The following NAV2 variants were observed in gnomAD, a reference collection of about 807,000 sequenced individuals.
NAV2 encodes the protein neuron navigator 2.
A neutral mutation model predicts 223.2 loss-of-function variants in NAV2; 54 were observed. The ratio of observed to expected loss-of-function variants is 0.24; its 90% confidence interval spans 0.19 to 0.30. NAV2 has a LOEUF of 0.30. NAV2 is among the 10% of genes least tolerant of loss of function. The probability of loss-of-function intolerance (pLI) is 1.00; values close to 1 mark genes in which losing one functional copy is unlikely to be tolerated. For synonymous variants in NAV2, 1,279 were observed against 1,239.3 expected (o/e 1.03, Z -0.67); for missense variants, 2,806 against 3,147.5 (o/e 0.89, Z 2.60).
At chr11:20,106,403 A>T (rs1164193614) in intron 35 of NAV2, among the ~76,000 whole-genome samples, 1 of 146,836 alleles carries the variant, frequency 6.8e-6, no homozygotes, top group Non-Finnish European at 1.5e-5. Context: ...TACTAAAAAT[A>T]CAAAAAATTA....
In NAV2 at chr11:20,036,024, A is replaced by T. The variant is rs1229112278; in HGVS notation, c.2834A>T (p.Asp945Val). 6.2e-7 allele frequency: 1 copy of T among 1,614,050 alleles called. No individual in the cohort carries two copies. Among genetic ancestry groups the T allele is most frequent in the Non-Finnish European group, 8.5e-7 (1 of 1,180,020 alleles). Residue 945 changes from aspartate to valine, a missense_variant, in exon 12 of 38, where the codon GAC becomes GTC. Around this residue, in one of 4 missense-constraint regions of NAV2, gnomAD observed 73 missense variants for 119.7 expected, o/e 0.61. Transcript: ENST00000349880. ...SDTIDNLSTDDINTSSSISSY... is the reference protein window; with the variant it reads ...SDTIDNLSTDVINTSSSISSY... ...ACCATAGACAACCTCAGCACTGATGACATCAACACCAGCTCCTCCATCAGC... is the reference window on the plus strand; with the variant it reads ...ACCATAGACAACCTCAGCACTGATGTCATCAACACCAGCTCCTCCATCAGC...
At chr11:19,370,060 T>C (rs1848420062) in intron 1 of NAV2, among the ~76,000 whole-genome samples, 1 of 152,222 alleles carries the variant, frequency 6.6e-6, no homozygotes, top group South Asian at 2.1e-4. Context: ...GCCTTTCAAT[T>C]GCCTCCAACT....
Position 19,385,753 on chromosome 11 carries a change from C to CTTTTTTT in NAV2, c.75+34746_75+34752dup, listed in dbSNP as rs201669772. Among the ~76,000 whole-genome samples, 338 of 112,686 alleles carry CTTTTTTT rather than the reference C, an allele frequency of 3.0e-3. 44 individuals carry two copies. Among genetic ancestry groups the CTTTTTTT allele is most frequent in the African/African-American group, 0.012 (323 of 26,378 alleles). 73.9% of individuals were successfully genotyped at this position (112,686 alleles called of 152,430 possible). A position where few individuals can be genotyped will look rare whatever the true frequency, so the allele number is the denominator to read the frequency against. On this transcript the variant is annotated intron_variant, in intron 1 of 37. Coordinates refer to the NAV2 transcript ENST00000360655. ...CTCAACTGCTTTTTCAATATAGCTC[C>CTTTTTTT]TTTTTTTTTTTTTTTTTTTTTTTTT...
chr11:19,586,727 C>T (rs983744328), intron 1 of NAV2, among the ~76,000 whole-genome samples: 21 of 152,214 alleles, frequency 1.4e-4, no homozygotes, highest in African/African-American at 2.9e-4. Flanking sequence ...GCTGCCTGAT[C>T]GTTCCTCTGG....
chr11:19,776,760 C>G (rs923516698), intron 1 of NAV2, among the ~76,000 whole-genome samples: 6 of 150,940 alleles, frequency 4.0e-5, no homozygotes, highest in Non-Finnish European at 8.9e-5. Flanking sequence ...TGTCAACTTG[C>G]GTGAGTTCTG....
At chr11:19,911,237 A>T (rs752567957) in intron 6 of NAV2, among the ~76,000 whole-genome samples, 2 of 152,168 alleles carry the variant, frequency 1.3e-5, no homozygotes, top group African/African-American at 4.8e-5. Context: ...ATAAGTGTCT[A>T]TAGGACATTT....
intron 1 of NAV2, among the ~76,000 whole-genome samples, chr11:19,745,282 G>T (rs1334126668): frequency 1.3e-5 from 2 of 152,188 alleles, no homozygotes; most frequent in African/African-American, 4.8e-5. Flanking sequence ...GAAAGCTCAG[G>T]TGTTTATTTT....
chr11:19,977,143 C>A (rs542884200), intron 10 of NAV2, among the ~76,000 whole-genome samples: 5 of 152,232 alleles, frequency 3.3e-5, no homozygotes, highest in Non-Finnish European at 7.3e-5. Flanking sequence ...TTGTTGGAAG[C>A]ATTCCCCCAA....
rs144473199 is a variant in NAV2 at position 19,576,872 on chromosome 11, G to C, written c.75+225845G>C. Among the ~76,000 whole-genome samples the C allele has an allele frequency of 2.0e-3, 308 of 152,306 alleles. 1 individual carries two copies. Among genetic ancestry groups the C allele is most frequent in the Non-Finnish European group, 2.8e-3 (191 of 68,036 alleles). Reference sequence around the variant, plus strand: ...ATGGAATGGATGTGTCTGTGGCCTGGGAAGGTGTCCTGGGGTCCTTCCATC... The same window carrying C: ...ATGGAATGGATGTGTCTGTGGCCTGCGAAGGTGTCCTGGGGTCCTTCCATC... On this transcript the variant is annotated intron_variant, in intron 1 of 37. Coordinates refer to the NAV2 transcript ENST00000360655.
rs746436164 is a variant in NAV2 at position 19,981,708 on chromosome 11, CAA to C, written c.2646-2415_2646-2414del. 9.9e-5 allele frequency among the ~76,000 whole-genome samples: 15 copies of C among 152,126 alleles called. 1 individual carries two copies. The highest frequency in any genetic ancestry group is 9.8e-4 in the Admixed American group (15 of 15,266). On this transcript the variant is annotated intron_variant, in intron 10 of 37. Transcript: ENST00000349880. The stretch of plus-strand genomic sequence containing the variant: ...GGGGTCTAGAAAGTCCAGCCTCTGG[CAA>C]AGTTATGGCATTTTGGTGTAGGTGT...
chr11:19,598,373 A>T (rs529581595), intron 1 of NAV2, among the ~76,000 whole-genome samples: 3 of 152,366 alleles, frequency 2.0e-5, no homozygotes, highest in East Asian at 3.9e-4. Context: ...CTTTGTTTGA[A>T]GTAAGGTAGT....
chr11:19,674,583 C>A (rs1247970104), intron 1 of NAV2, among the ~76,000 whole-genome samples: 1 of 152,196 alleles, frequency 6.6e-6, no homozygotes, highest in Non-Finnish European at 1.5e-5. Context: ...AAGGTGGGGG[C>A]AAACCCAGAA....
intron 1 of NAV2, among the ~76,000 whole-genome samples, chr11:19,355,182 A>G (rs1345502929): frequency 6.6e-6 from 1 of 151,888 alleles, no homozygotes; most frequent in African/African-American, 2.4e-5. Context: ...ACTCTTCTTT[A>G]GAAGTTTGTC....
intron 1 of NAV2, among the ~76,000 whole-genome samples, chr11:19,771,553 A>G (rs2055720137): frequency 6.6e-6 from 1 of 151,830 alleles, no homozygotes; most frequent in Non-Finnish European, 1.5e-5. Flanking sequence ...GTGATAGGAG[A>G]CACTACTCTA....
intron 1 of NAV2, among the ~76,000 whole-genome samples, chr11:19,612,365 C>G (rs1421108807): frequency 2.0e-5 from 3 of 152,212 alleles, no homozygotes. Flanking sequence ...TTTCTGCAGC[C>G]AGCTTGAATC....
chr11:20,031,340 G>T (rs899089152), intron 11 of NAV2, among the ~76,000 whole-genome samples: 13 of 152,148 alleles, frequency 8.5e-5, no homozygotes, highest in African/African-American at 2.7e-4. Flanking sequence ...CCTCATCCCA[G>T]GTTGTACCTA....
intron 6 of NAV2, among the ~76,000 whole-genome samples, chr11:19,904,511 C>T (rs983072648): frequency 1.3e-5 from 2 of 152,134 alleles, no homozygotes; most frequent in African/African-American, 4.8e-5. Context: ...AGACCCATAG[C>T]CAAAGTTTGC....
intron 1 of NAV2, among the ~76,000 whole-genome samples, chr11:19,396,161 T>C (rs1030834036): frequency 6.6e-6 from 1 of 152,196 alleles, no homozygotes; most frequent in African/African-American, 2.4e-5. Context: ...TCAGCAGCTA[T>C]GAAAATACAG....
chr11:19,914,919 C>T (rs1217365527), intron 6 of NAV2, among the ~76,000 whole-genome samples: 1 of 152,198 alleles, frequency 6.6e-6, no homozygotes, highest in Non-Finnish European at 1.5e-5. Flanking sequence ...TTGTTTTGTT[C>T]TTAATATTCC....
Sources: gnomAD v4.1 joint callset for allele counts (sites outside exome capture counted in the v4.1 genomes callset) on GRCh38, gnomAD v4.1.1 for gene constraint, gnomAD v4.1.1 regional missense constraint, MANE v1.5 for transcripts, NCBI Gene and HGNC (gene_info 2026-07-23, HGNC 2026-07-21) for gene names.